The following CPEB3 variants were observed in gnomAD, a reference collection of about 807,000 sequenced individuals.
CPEB3 encodes cytoplasmic polyadenylation element-binding protein 3.
CPEB3 carries 20 observed loss-of-function variants against 67.2 expected under a neutral mutation model. The ratio of observed to expected loss-of-function variants is 0.30; its 90% CI spans 0.21 to 0.43. The LOEUF (loss-of-function observed/expected upper bound fraction) is 0.43. CPEB3 is among the 20% of genes least tolerant of loss of function. The pLI, the probability that CPEB3 is intolerant of heterozygous loss-of-function variation, is 1.00. For missense variants in CPEB3, 746 were observed against 968.6 expected, an observed-to-expected ratio of 0.77 and a Z score of 3.05; for synonymous variants, 376 against 393.1, an observed-to-expected ratio of 0.96 and a Z score of 0.51.
At chr10:92,136,845 C>G (rs1173039819) in intron 6 of CPEB3, 2 of 153,872 alleles carry the variant, frequency 1.3e-5, no homozygotes, top group African/African-American at 2.4e-5. Flanking sequence ...AAGCGTGAGC[C>G]ACCGCGCCCG....
At chr10:92,116,424 G>T (rs1196647843) in intron 6 of CPEB3, among the ~76,000 whole-genome samples, 1 of 151,900 alleles carries the variant, frequency 6.6e-6, no homozygotes, top group Non-Finnish European at 1.5e-5. Flanking sequence ...CTGAATATCT[G>T]CTTTCATATA....
At chr10:92,066,495 A>AC (rs1842553360) in intron 9 of CPEB3, among the ~76,000 whole-genome samples, 1 of 152,158 alleles carries the variant, frequency 6.6e-6, no homozygotes, top group Non-Finnish European at 1.5e-5. Context: ...GAACCTGGGC[A>AC]CCCCATGAAA....
intron 1 of CPEB3, among the ~76,000 whole-genome samples, chr10:92,258,493 A>C (rs534977701): frequency 6.6e-6 from 1 of 151,460 alleles, no homozygotes; most frequent in Admixed American, 6.6e-5. Flanking sequence ...CTTATAGCTG[A>C]TGTTTATTAG....
At chr10:92,181,253 G>A (rs1590321326) in intron 3 of CPEB3, among the ~76,000 whole-genome samples, 1 of 150,138 alleles carries the variant, frequency 6.7e-6, no homozygotes, top group East Asian at 2.0e-4. Context: ...AGAAGCTTCT[G>A]TTATAATAGT....
chr10:92,057,854 G>A (rs749319912), intron 9 of CPEB3, among the ~76,000 whole-genome samples: 5 of 152,054 alleles, frequency 3.3e-5, no homozygotes, highest in Admixed American at 1.3e-4. Context: ...AAGGCAGCAC[G>A]TCTATGAGTC....
At chr10:92,121,331 T>C (rs757533329) in intron 6 of CPEB3, among the ~76,000 whole-genome samples, 1 of 148,740 alleles carries the variant, frequency 6.7e-6, no homozygotes, top group Admixed American at 6.7e-5. Flanking sequence ...TAAATGGCTA[T>C]TGGGGAAATA....
intron 4 of CPEB3, among the ~76,000 whole-genome samples, chr10:92,169,990 CCATAT>C (rs1291113011): frequency 6.6e-6 from 1 of 152,166 alleles, no homozygotes; most frequent in Admixed American, 6.5e-5. Context: ...TCTCACTATT[CCATAT>C]AACAGACCCA....
At chr10:92,157,817 T>C (rs995294753) in intron 4 of CPEB3, among the ~76,000 whole-genome samples, 1 of 152,132 alleles carries the variant, frequency 6.6e-6, no homozygotes, top group Non-Finnish European at 1.5e-5. Flanking sequence ...TAAGGAGAAA[T>C]AGTCTTTGCT....
chr10:92,060,019 T>C (rs886544943), intron 9 of CPEB3, among the ~76,000 whole-genome samples: 1 of 151,750 alleles, frequency 6.6e-6, no homozygotes, highest in Admixed American at 6.6e-5. Context: ...ATCATTTTAA[T>C]TGATGCAGAA....
At chr10:92,085,501 G>A (rs1218346088) in intron 8 of CPEB3, among the ~76,000 whole-genome samples, 2 of 152,176 alleles carry the variant, frequency 1.3e-5, no homozygotes, top group African/African-American at 2.4e-5. Context: ...CAGCAATATG[G>A]AGCATAGCAT....
intron 2 of CPEB3, among the ~76,000 whole-genome samples, chr10:92,218,403 T>A (rs1041721781): frequency 6.6e-6 from 1 of 151,954 alleles, no homozygotes. Flanking sequence ...CAAGATTCCA[T>A]CTCAAAACAA....
intron 6 of CPEB3, chr10:92,137,812 C>T (rs182759874): frequency 0.016 from 3,376 of 209,580 alleles, 64 homozygotes; most frequent in Non-Finnish European, 0.02. Flanking sequence ...TCCTGGCTTA[C>T]ATGGTGAAAC....
intron 8 of CPEB3, among the ~76,000 whole-genome samples, chr10:92,083,855 C>T (rs1843256416): frequency 2.6e-5 from 4 of 152,104 alleles, no homozygotes; most frequent in Non-Finnish European, 5.9e-5. Flanking sequence ...GTTACTGTAA[C>T]CACAGATTTT....
rs17853616 is a variant in CPEB3 at position 92,239,381 on chromosome 10, G to A, written c.970C>T (p.Arg324Trp). The A allele has an allele frequency of 1.9e-6, 3 of 1,606,436 alleles. No individual in the cohort carries two copies. Among genetic ancestry groups the A allele is most frequent in the Non-Finnish European group, 2.5e-6 (3 of 1,176,546 alleles). ...SKSWMEDNAF[R>W]TDNGNNLLPF... ...AACAGATTGTTACCATTATCGGTCC[G>A]GAAAGCGTTATCCTCCATCCAGGAC... Residue 324 changes from arginine (R) to tryptophan (W), a missense_variant, in exon 2 of 10, where the codon CGG (arginine) becomes TGG (tryptophan). By Grantham distance (101) the Arg-to-Trp change is moderately radical (BLOSUM62 -3). This residue lies in a region of CPEB3 where 643 missense variants were observed against 717.5 expected (regional missense o/e 0.90). Transcript: ENST00000265997. This position sits in a 1 kb window ranked among gnomAD's most constrained non-coding sequence, Gnocchi z 6.0.
At chr10:92,094,828 C>CA (rs1400502776) in intron 7 of CPEB3, among the ~76,000 whole-genome samples, 1 of 151,914 alleles carries the variant, frequency 6.6e-6, no homozygotes, top group Non-Finnish European at 1.5e-5. Flanking sequence ...CACACACACA[C>CA]ACACACACAC....
At chr10:92,284,053 T>C (rs1440901349) in intron 1 of CPEB3, among the ~76,000 whole-genome samples, 95 of 132,264 alleles carry the variant, frequency 7.2e-4, no homozygotes, top group Non-Finnish European at 4.8e-5. Context: ...TTTTTTTTTT[T>C]TCCTGAGACA....
In CPEB3 at chr10:92,108,361, A is replaced by T. The variant is rs553759196; in HGVS notation, c.1572+2715T>A. On this transcript the variant is annotated intron_variant, in intron 7 of 9. Transcript: ENST00000265997. ...CTTCCAAAGGTTCAACACAGTTCTTACTTTTTTTCCCCTCATGGGAGCATG... is the reference window on the plus strand; with the variant it reads ...CTTCCAAAGGTTCAACACAGTTCTTTCTTTTTTTCCCCTCATGGGAGCATG... Among the ~76,000 whole-genome samples, 8 of 152,270 alleles carry T rather than the reference A, an allele frequency of 5.3e-5. No homozygotes were observed. In the South Asian group the frequency reaches 1.7e-3, roughly 32 times the overall value.
chr10:92,196,094 G>T (rs10882029), intron 2 of CPEB3, among the ~76,000 whole-genome samples: 2 of 152,112 alleles, frequency 1.3e-5, no homozygotes, highest in East Asian at 1.9e-4. Context: ...ATGTAGAGCC[G>T]ATTAAAACAT....
chr10:92,134,822 A>G (rs1007184256), intron 6 of CPEB3, among the ~76,000 whole-genome samples: 4 of 151,984 alleles, frequency 2.6e-5, no homozygotes, highest in African/African-American at 9.7e-5. Context: ...AGATATATAG[A>G]CCAATGGAAT....
Sources: allele counts gnomAD v4.1 joint callset (sites outside exome capture counted in the v4.1 genomes callset), GRCh38; gene constraint gnomAD v4.1.1; regional missense constraint gnomAD v4.1.1; non-coding constraint Gnocchi (gnomAD v3.1); transcripts MANE v1.5; gene names NCBI Gene and HGNC (gene_info 2026-07-23, HGNC 2026-07-21).